Variants in CFAP52 observed in about 807,000 individuals in gnomAD.
CFAP52 encodes cilia- and flagella-associated protein 52.
In CFAP52, 57 loss-of-function variants were observed where a neutral mutation model predicts 70.5. The observed-to-expected ratio is 0.81, with a 90% CI of 0.65 to 1.01. The LOEUF (loss-of-function observed/expected upper bound fraction) is 1.01. Among genes scored for constraint, CFAP52 ranks in the 50% least tolerant of loss-of-function variants. The pLI is 0.00. For missense variants in CFAP52, 785 were observed against 788.5 expected (o/e 1.00, Z 0.05); for synonymous variants, 267 against 292.5 (o/e 0.91, Z 0.89).
intron 8 of CFAP52, among the ~76,000 whole-genome samples, chr17:9,622,552 A>AAGAAGAAGAAGAAG (rs113311384): frequency 6.6e-5 from 10 of 151,374 alleles, no homozygotes; most frequent in African/African-American, 2.2e-4. Context: ...ATTAAAAAAA[A>AAGAAGAAGAAGAAG]AAGAAGAAGA....
chr17:9,631,074 G>GAAAGAAAGAA (rs1440623443), intron 9 of CFAP52, among the ~76,000 whole-genome samples: 1 of 133,128 alleles, frequency 7.5e-6, no homozygotes, highest in Non-Finnish European at 1.6e-5. Flanking sequence ...AAGAAAGAAA[G>GAAAGAAAGAA]AAAGAAAGAG....
intron 3 of CFAP52, among the ~76,000 whole-genome samples, chr17:9,587,866 G>A (rs1290161754): frequency 1.3e-5 from 2 of 152,166 alleles, no homozygotes; most frequent in African/African-American, 4.8e-5. Context: ...TGGCCCGTCT[G>A]TATTTCAGTA....
chr17:9,624,239 A>T (rs896708892), intron 8 of CFAP52, among the ~76,000 whole-genome samples: 1 of 152,132 alleles, frequency 6.6e-6, no homozygotes, highest in Non-Finnish European at 1.5e-5. Context: ...GAAGTTTTTC[A>T]GCCCTTGTTC....
At chr17:9,631,028 A>AAGAGAGAGAGAGAGAGAGAGAGAGAG (rs761523039) in intron 9 of CFAP52, among the ~76,000 whole-genome samples, 6 of 44,698 alleles carry the variant, frequency 1.3e-4, no homozygotes, top group Admixed American at 2.6e-4. Context: ...GAAAGAAAGA[A>AAGAGAGAGAGAGAGAGAGAGAGAGAG]AGAGAGAGAG....
At chr17:9,625,964 T>G (rs1431927276) in intron 8 of CFAP52, among the ~76,000 whole-genome samples, 1 of 152,250 alleles carries the variant, frequency 6.6e-6, no homozygotes, top group Non-Finnish European at 1.5e-5. Flanking sequence ...TACTCTTTCC[T>G]GCTTTCCTGT....
At chr17:9,635,368 A>G (rs771469131) in intron 10 of CFAP52, 37 bp from the exon 11 acceptor site, 3 of 1,612,296 alleles carry the variant, frequency 1.9e-6, no homozygotes, top group Non-Finnish European at 2.5e-6. Context: ...CAGAAGTCCC[A>G]AGTGTGGATC....
rs1191337262 is a variant in CFAP52, at chr17:9,616,590, C to T, written c.1025+4111C>T. Among the ~76,000 whole-genome samples the T allele has an allele frequency of 1.7e-4, 25 of 145,192 alleles. 1 individual carries two copies. Among genetic ancestry groups the T allele is most frequent in the African/African-American group, 7.0e-4 (25 of 35,794 alleles). On this transcript the variant is annotated intron_variant, in intron 8 of 13. Coordinates refer to ENST00000352665, the MANE Select transcript of CFAP52 (RefSeq NM_145054.5). Reference sequence around the variant, plus strand: ...GACAGCAGTAACCTCTGCAGACTTACGTGTCCCTGTCTGACAGCTTTGAAG... The same window carrying T: ...GACAGCAGTAACCTCTGCAGACTTATGTGTCCCTGTCTGACAGCTTTGAAG...
At chr17:9,585,694 G>C in intron 1 of CFAP52, 79 bp from the exon 2 acceptor site, 1 of 1,340,504 alleles carries the variant, frequency 7.5e-7, no homozygotes, top group East Asian at 2.3e-5. Context: ...CACACAAAGT[G>C]TTGTGTTTTG....
intron 11 of CFAP52, among the ~76,000 whole-genome samples, chr17:9,637,928 G>A (rs984027582): frequency 4.6e-5 from 7 of 152,072 alleles, no homozygotes; most frequent in East Asian, 1.9e-4. Flanking sequence ...CTTCAGTTGC[G>A]GGAGGCCAGC....
intron 8 of CFAP52, among the ~76,000 whole-genome samples, chr17:9,622,747 A>G (rs1194986389): frequency 6.6e-6 from 1 of 152,218 alleles, no homozygotes; most frequent in Admixed American, 6.5e-5. Context: ...ATCATAAATA[A>G]GCACCTCAGT....
intron 6 of CFAP52, among the ~76,000 whole-genome samples, chr17:9,604,235 C>G (rs564155822): frequency 1.3e-5 from 2 of 152,098 alleles, no homozygotes; most frequent in South Asian, 4.1e-4. Flanking sequence ...GTGGTGATAA[C>G]TTTTAGCTAT....
intron 7 of CFAP52, among the ~76,000 whole-genome samples, chr17:9,611,765 T>C (rs1435197592): frequency 1.3e-5 from 2 of 152,372 alleles, no homozygotes; most frequent in East Asian, 1.9e-4. Flanking sequence ...CTTTTTATTA[T>C]GGTAACATAT....
intron 12 of CFAP52, among the ~76,000 whole-genome samples, chr17:9,639,712 C>T (rs918725395): frequency 2.8e-4 from 43 of 151,756 alleles, no homozygotes; most frequent in Admixed American, 2.1e-3. Flanking sequence ...TACTGGCGGG[C>T]GGGGGAAAGC....
intron 1 of CFAP52, among the ~76,000 whole-genome samples, chr17:9,585,495 C>G (rs527322603): frequency 1.3e-5 from 2 of 151,978 alleles, no homozygotes; most frequent in Non-Finnish European, 2.9e-5. Flanking sequence ...GGTGAAACCC[C>G]GTCTCTACTA....
chr17:9,628,884 C>T, intron 9 of CFAP52, 64 bp downstream of exon 9: 1 of 1,604,418 alleles, frequency 6.2e-7, no homozygotes, highest in Non-Finnish European at 8.5e-7. Flanking sequence ...TTGTCACTCT[C>T]CTCCCATACT....
At chr17:9,612,234 C>T in intron 7 of CFAP52, 75 bp from the exon 8 acceptor site, 1 of 1,539,506 alleles carries the variant, frequency 6.5e-7, no homozygotes, top group Non-Finnish European at 8.8e-7. Flanking sequence ...TTTGTATCCT[C>T]TGCCATGCTT....
intron 4 of CFAP52, among the ~76,000 whole-genome samples, chr17:9,597,357 A>C (rs1315153286): frequency 6.6e-6 from 1 of 152,136 alleles, no homozygotes; most frequent in Admixed American, 6.6e-5. Context: ...AAAATTGCTA[A>C]CACAATTTTA....
chr17:9,622,832 C>T (rs1910099589), intron 8 of CFAP52, among the ~76,000 whole-genome samples: 1 of 152,180 alleles, frequency 6.6e-6, no homozygotes, highest in Non-Finnish European at 1.5e-5. Context: ...ACACCCCTTC[C>T]AATCACTACC....
intron 11 of CFAP52, among the ~76,000 whole-genome samples, chr17:9,637,053 A>G (rs969402015): frequency 6.6e-5 from 10 of 151,974 alleles, no homozygotes; most frequent in Non-Finnish European, 1.5e-4. Flanking sequence ...TCAAAAAAGC[A>G]AACAAACAAA....
Sources: gnomAD v4.1 joint callset for allele counts (sites outside exome capture counted in the v4.1 genomes callset) on GRCh38, gnomAD v4.1.1 for gene constraint, MANE v1.5 for transcripts, NCBI Gene and HGNC (gene_info 2026-07-23, HGNC 2026-07-21) for gene names.